STK10: variants seen among roughly 807,000 people sequenced by gnomAD.
STK10 encodes serine/threonine-protein kinase 10.
STK10 carries 78 observed loss-of-function variants against 113.8 expected under a neutral mutation model. The observed-to-expected ratio is 0.69, with a 90% confidence interval of 0.57 to 0.83. The LOEUF is 0.83. STK10 is among the 40% of genes least tolerant of loss of function. The pLI, the probability that STK10 is intolerant of heterozygous loss-of-function variation, is 0.00. For synonymous variants in STK10, 465 were observed against 494.7 expected (o/e 0.94, Z 0.80); for missense variants, 1,109 against 1,280.1 (o/e 0.87, Z 2.04).
chr5:172,046,967 G>A (rs1305875636), intron 18 of STK10, among the ~76,000 whole-genome samples: 4 of 152,184 alleles, frequency 2.6e-5, no homozygotes, highest in Non-Finnish European at 5.9e-5. Context: ...GCCACATTCT[G>A]TGTGAACACT....
chr5:172,074,768 T>C (rs879496295), intron 12 of STK10, among the ~76,000 whole-genome samples: 7 of 152,150 alleles, frequency 4.6e-5, no homozygotes, highest in African/African-American at 9.7e-5. Context: ...ACAGTAATCA[T>C]GGCACTTTCG....
intron 1 of STK10, among the ~76,000 whole-genome samples, chr5:172,185,327 G>A (rs1770935874): frequency 6.6e-6 from 1 of 151,990 alleles, no homozygotes; most frequent in East Asian, 1.9e-4. Flanking sequence ...GGAGTGCAGT[G>A]GCGCTATCTC....
intron 1 of STK10, among the ~76,000 whole-genome samples, chr5:172,165,015 G>C (rs562412492): frequency 6.6e-6 from 1 of 152,132 alleles, no homozygotes; most frequent in South Asian, 2.1e-4. Flanking sequence ...CCTTGTACCC[G>C]CAAGGGGCCC....
intron 18 of STK10, among the ~76,000 whole-genome samples, chr5:172,046,654 G>A (rs1158492130): frequency 1.3e-5 from 2 of 152,042 alleles, no homozygotes; most frequent in South Asian, 2.1e-4. Flanking sequence ...ACCTTCTTAC[G>A]CCAGAGTCAG....
chr5:172,134,509 A>C (rs1769814166), intron 2 of STK10, among the ~76,000 whole-genome samples: 1 of 152,172 alleles, frequency 6.6e-6, no homozygotes, highest in Admixed American at 6.6e-5. Flanking sequence ...GGTTAGTAAA[A>C]GACCAGATGG....
At chr5:172,098,105 C>A (rs182173095) in intron 7 of STK10, among the ~76,000 whole-genome samples, 1 of 152,074 alleles carries the variant, frequency 6.6e-6, no homozygotes, top group Admixed American at 6.5e-5. Context: ...ACAATTTATC[C>A]GGGGAGGAAG....
In STK10 at chr5:172,057,524, G is replaced by A. The variant is rs373219330; in HGVS notation, c.2213-51C>T. 3.0e-4 allele frequency: 463 copies of A among 1,527,232 alleles called. 3 individuals carry two copies. Among genetic ancestry groups the A allele is most frequent in the Admixed American group, 8.9e-4 (45 of 50,296 alleles). 94.6% of individuals were successfully genotyped at this position (1,527,232 alleles called of 1,614,324 possible). On this transcript the variant is annotated intron_variant, in intron 14 of 18. Coordinates refer to ENST00000176763, the MANE Select transcript of STK10 (RefSeq NM_005990.4). ...GTGAGGTGCTGACAACCAGAGACTCGACAGGCCCCCTGCCCCCCACCTCTG... is the reference window on the plus strand; with the variant it reads ...GTGAGGTGCTGACAACCAGAGACTCAACAGGCCCCCTGCCCCCCACCTCTG...
chr5:172,058,199 G>C (rs1036814455), intron 14 of STK10, among the ~76,000 whole-genome samples: 1 of 152,170 alleles, frequency 6.6e-6, no homozygotes, highest in African/African-American at 2.4e-5. Flanking sequence ...CTGCATTCCT[G>C]TTCCGTGCAA....
chr5:172,096,881 C>T (rs1768867391), intron 7 of STK10, among the ~76,000 whole-genome samples: 1 of 152,216 alleles, frequency 6.6e-6, no homozygotes, highest in Admixed American at 6.5e-5. Flanking sequence ...AGATCATGCA[C>T]TTGAAAATGC....
chr5:172,168,858 C>CCT (rs1019366079), intron 1 of STK10, among the ~76,000 whole-genome samples: 1 of 151,994 alleles, frequency 6.6e-6, no homozygotes, highest in African/African-American at 2.4e-5. Context: ...CCCTCCTTCC[C>CCT]CTCTTTCCCT....
chr5:172,078,619 T>TAAAAAAAAAA (rs58823824), intron 12 of STK10, among the ~76,000 whole-genome samples: 5 of 72,868 alleles, frequency 6.9e-5, no homozygotes, highest in African/African-American at 1.1e-4. Context: ...GCCTCATCAT[T>TAAAAAAAAAA]AAAAAAAAAA....
chr5:172,147,515 C>T lies in STK10; in HGVS notation c.321+9109G>A, dbSNP rs547321180. Among the ~76,000 whole-genome samples, 6 of 152,236 alleles carry T rather than the reference C, an allele frequency of 3.9e-5. No individual in the cohort carries two copies. The East Asian group carries it at 1.2e-3, about 29-fold the overall frequency. On this transcript the variant is annotated intron_variant, in intron 2 of 18. Coordinates refer to ENST00000176763, the MANE Select transcript of STK10 (RefSeq NM_005990.4). ...CACGCCATTCTCCTGCCTCAGCCTC[C>T]CGAATAGCTGGGACCACAGGCACAT...
chr5:172,183,713 T>A (rs1289845300), intron 1 of STK10, among the ~76,000 whole-genome samples: 2 of 152,202 alleles, frequency 1.3e-5, no homozygotes, highest in Admixed American at 6.5e-5. Flanking sequence ...AGCCTCGGCC[T>A]CCCAAAGTGC....
At position 172,093,732 on chromosome 5, in the gene STK10, T is replaced by C. The variant is rs1309023274; in HGVS notation, c.1234A>G (p.Lys412Glu). 1.5e-5 allele frequency: 25 copies of C among 1,613,734 alleles called. No homozygotes were observed. The highest frequency in any genetic ancestry group is 2.0e-5 in the Non-Finnish European group (24 of 1,179,742). Residue 412 changes from lysine (K) to glutamate (E), a missense_variant, in exon 9 of 19, where the codon AAG becomes GAG. Physicochemically the swap from Lys to Glu is moderately conservative, Grantham distance 56. Coordinates refer to ENST00000176763, the MANE Select transcript of STK10 (RefSeq NM_005990.4). The surrounding 1 kb of genome is among the most constrained non-coding windows in gnomAD (Gnocchi z 4.1). ...GCATCCATTGACACGGGTCGGGACT[T>C]CCGCAGGGGCACAGGCACTGCCAGG... ...NGLAVPVPLR[K>E]SRPVSMDARI...
intron 2 of STK10, among the ~76,000 whole-genome samples, chr5:172,131,635 T>C (rs1769759687): frequency 6.6e-6 from 1 of 152,220 alleles, no homozygotes; most frequent in Non-Finnish European, 1.5e-5. Flanking sequence ...TACTTGCTTT[T>C]TTTAGTATCT....
At chr5:172,159,516 T>C (rs564844618) in intron 1 of STK10, among the ~76,000 whole-genome samples, 2 of 152,056 alleles carry the variant, frequency 1.3e-5, no homozygotes, top group South Asian at 4.1e-4. Flanking sequence ...CACTCCAGCC[T>C]GGGTGACAGG....
intron 12 of STK10, among the ~76,000 whole-genome samples, chr5:172,072,329 C>T (rs1193779179): frequency 1.3e-5 from 2 of 151,990 alleles, no homozygotes; most frequent in Non-Finnish European, 2.9e-5. Flanking sequence ...TGCAGTGGCG[C>T]AATCTCGGCT....
chr5:172,083,266 TAATA>T lies in STK10; in HGVS notation c.1686-186_1686-183del, dbSNP rs1232010149. Among the ~76,000 whole-genome samples, 14 of 152,184 alleles carry T rather than the reference TAATA, an allele frequency of 9.2e-5. No individual in the cohort carries two copies. The East Asian group carries it at 1.5e-3, about 17-fold the overall frequency. On this transcript the variant is annotated intron_variant, in intron 10 of 18. Transcript: ENST00000176763. ...TTGACAGACAAAACCTTAATAATCTTAATAAATAAAGAGTGCTTACAAATCAATA... is the reference window on the plus strand; with the variant it reads ...TTGACAGACAAAACCTTAATAATCTTAATAAAGAGTGCTTACAAATCAATA...
intron 7 of STK10, among the ~76,000 whole-genome samples, chr5:172,103,633 G>T (rs1455205251): frequency 6.6e-6 from 1 of 152,228 alleles, no homozygotes; most frequent in East Asian, 1.9e-4. Context: ...CCCAGAAAAT[G>T]AGGCCTTTGG....
Sources: allele counts gnomAD v4.1 joint callset (sites outside exome capture counted in the v4.1 genomes callset), GRCh38; gene constraint gnomAD v4.1.1; non-coding constraint Gnocchi (gnomAD v3.1); transcripts MANE v1.5; gene names NCBI Gene and HGNC (gene_info 2026-07-23, HGNC 2026-07-21).